Variants in TUSC3 observed in about 807,000 individuals in gnomAD.
The protein encoded by TUSC3 is dolichyl-diphosphooligosaccharide--protein glycosyltransferase subunit TUSC3.
A neutral mutation model predicts 44.8 loss-of-function variants in TUSC3; 45 were observed. That is an observed-to-expected ratio of 1.00 (90% CI 0.79 to 1.29). The LOEUF is 1.29. Ranked by LOEUF, TUSC3 falls within the 50% of genes most tolerant of loss-of-function variation. The pLI is 0.00. For missense variants in TUSC3, 519 were observed against 437.9 expected (o/e 1.19, Z -1.65); for synonymous variants, 212 against 152.9 (o/e 1.39, Z -2.85).
At chr8:15,645,865 C>G (rs546749812) in intron 2 of TUSC3, among the ~76,000 whole-genome samples, 1 of 152,158 alleles carries the variant, frequency 6.6e-6, no homozygotes, top group South Asian at 2.1e-4. Flanking sequence ...GAGACATTAT[C>G]CAGTGACATA....
At chr8:15,436,299 G>C (rs887391525) in intron 1 of TUSC3, among the ~76,000 whole-genome samples, 16 of 152,180 alleles carry the variant, frequency 1.1e-4, no homozygotes, top group African/African-American at 3.1e-4. Context: ...GTAGATCCCT[G>C]CCTCGTGGAC....
chr8:15,727,795 T>C (rs1810559121), intron 6 of TUSC3, among the ~76,000 whole-genome samples: 1 of 152,198 alleles, frequency 6.6e-6, no homozygotes, highest in Non-Finnish European at 1.5e-5. Flanking sequence ...TATGAAATGA[T>C]TTGTTTGATT....
rs139906855 is a variant in TUSC3 at position 15,671,671 on chromosome 8, G to A, written c.709-2076G>A. On this transcript the variant is annotated intron_variant, in intron 5 of 10. Transcript: ENST00000503731. ...TGATTTTTTAAACTGGTGACATACC[G>A]TAAATAGTATTGTTGCTGCTATTGC... 1.4e-3 allele frequency among the ~76,000 whole-genome samples: 215 copies of A among 152,082 alleles called. 2 individuals are homozygous for A. The highest frequency in any genetic ancestry group is 4.8e-3 in the African/African-American group (201 of 41,520).
chr8:15,573,196 C>CTATATATATA (rs1427194441), intron 1 of TUSC3, among the ~76,000 whole-genome samples: 3 of 104,238 alleles, frequency 2.9e-5, no homozygotes, highest in African/African-American at 7.8e-5. Context: ...CTCTCTCTCT[C>CTATATATATA]TCTCTCTATA....
chr8:15,648,400 C>T (rs1235575074), intron 2 of TUSC3, among the ~76,000 whole-genome samples: 7 of 152,162 alleles, frequency 4.6e-5, no homozygotes, highest in Admixed American at 3.9e-4. Flanking sequence ...CGGGCAGACT[C>T]TGAGGGTTGT....
At chr8:15,615,011 G>A (rs1804931279) in intron 1 of TUSC3, among the ~76,000 whole-genome samples, 1 of 150,500 alleles carries the variant, frequency 6.6e-6, no homozygotes, top group Non-Finnish European at 1.5e-5. Context: ...ACTCATCGTG[G>A]GAATGTGAAT....
chr8:15,755,574 G>T (rs998089361), intron 9 of TUSC3, among the ~76,000 whole-genome samples: 1 of 151,870 alleles, frequency 6.6e-6, no homozygotes, highest in African/African-American at 2.4e-5. Flanking sequence ...CTATGAATTT[G>T]ATCTAATTAC....
At chr8:15,473,393 T>C (rs886509433) in intron 1 of TUSC3, among the ~76,000 whole-genome samples, 1 of 152,248 alleles carries the variant, frequency 6.6e-6, no homozygotes, top group African/African-American at 2.4e-5. Flanking sequence ...GTCACTTTCC[T>C]ATGAAATACT....
At chr8:15,469,240 A>T (rs1800453404) in intron 1 of TUSC3, among the ~76,000 whole-genome samples, 1 of 152,234 alleles carries the variant, frequency 6.6e-6, no homozygotes, top group African/African-American at 2.4e-5. Flanking sequence ...ACTGACTAGG[A>T]AAAATATTTG....
chr8:15,772,170 C>G, the TUSC3 span, among the ~76,000 whole-genome samples: 1 of 151,656 alleles, frequency 6.6e-6, no homozygotes, highest in African/African-American at 2.4e-5. Context: ...AAAACAAACC[C>G]AAAACAAGCA....
intron 2 of TUSC3, among the ~76,000 whole-genome samples, chr8:15,506,759 C>T (rs1489683846): frequency 7.2e-5 from 11 of 152,092 alleles, no homozygotes; most frequent in African/African-American, 2.2e-4. Flanking sequence ...TCCCACAACA[C>T]GTGAGGATTA....
chr8:15,470,060 A>G (rs754422618), intron 1 of TUSC3, among the ~76,000 whole-genome samples: 25 of 151,968 alleles, frequency 1.6e-4, no homozygotes, highest in Non-Finnish European at 3.2e-4. Flanking sequence ...GTTCAAGACC[A>G]GCCTGGGAAA....
intron 1 of TUSC3, among the ~76,000 whole-genome samples, chr8:15,439,824 T>C (rs926712480): frequency 2.0e-5 from 3 of 152,202 alleles, no homozygotes; most frequent in Non-Finnish European, 2.9e-5. Flanking sequence ...TCTGTCACCA[T>C]ACAAATCTGT....
chr8:15,559,004 C>T (rs1802365316), intron 1 of TUSC3, among the ~76,000 whole-genome samples: 1 of 148,094 alleles, frequency 6.8e-6, no homozygotes, highest in Admixed American at 6.8e-5. Flanking sequence ...CTATTTCCTT[C>T]AGTTCTGCTC....
chr8:15,446,895 T>A (rs1157683124), intron 1 of TUSC3, among the ~76,000 whole-genome samples: 1 of 63,594 alleles, frequency 1.6e-5, no homozygotes. Context: ...GATGAGTAGG[T>A]AACAGAAAAA....
At chr8:15,571,029 T>C (rs1802856927) in intron 1 of TUSC3, among the ~76,000 whole-genome samples, 1 of 140,798 alleles carries the variant, frequency 7.1e-6, no homozygotes, top group South Asian at 2.4e-4. Context: ...TGATCTTGGC[T>C]CACTGCAACC....
chr8:15,429,717 A>G (rs1277335612), intron 1 of TUSC3, among the ~76,000 whole-genome samples: 1 of 151,580 alleles, frequency 6.6e-6, no homozygotes, highest in African/African-American at 2.4e-5. Flanking sequence ...ATTCTTAGGT[A>G]TTTTATTCTC....
chr8:15,577,945 A>C (rs1194106825), intron 1 of TUSC3, among the ~76,000 whole-genome samples: 1 of 150,446 alleles, frequency 6.6e-6, no homozygotes, highest in African/African-American at 2.4e-5. Context: ...CCTACCCATG[A>C]GCATGGAATG....
chr8:15,850,891 G>C, the TUSC3 span, among the ~76,000 whole-genome samples: 3 of 152,150 alleles, frequency 2.0e-5, no homozygotes, highest in Non-Finnish European at 4.4e-5. Context: ...TCGAATTCCT[G>C]TTCTCTGTGT....
Sources: gnomAD v4.1 joint callset for allele counts (sites outside exome capture counted in the v4.1 genomes callset) on GRCh38, gnomAD v4.1.1 for gene constraint, MANE v1.5 for transcripts, NCBI Gene and HGNC (gene_info 2026-07-23, HGNC 2026-07-21) for gene names.